The following LARS1 variants were observed in gnomAD, a reference collection of about 807,000 sequenced individuals.
LARS1 encodes leucine--tRNA ligase, cytoplasmic.
Under a neutral mutation model 162.8 loss-of-function variants are expected in LARS1, and 100 were observed. The observed-to-expected ratio is 0.61, with a 90% confidence interval of 0.52 to 0.73. The LOEUF is 0.73. Among genes scored for constraint, LARS1 ranks in the 30% least tolerant of loss-of-function variants. The pLI is 0.00. For missense variants in LARS1, 1,258 were observed against 1,408.9 expected, an observed-to-expected ratio of 0.89 and a Z score of 1.71; for synonymous variants, 457 against 462.8, an observed-to-expected ratio of 0.99 and a Z score of 0.16.
intron 15 of LARS1, among the ~76,000 whole-genome samples, chr5:146,147,895 G>GA (rs1410301066): frequency 6.6e-6 from 1 of 152,072 alleles, no homozygotes; most frequent in African/African-American, 2.4e-5. Context: ...GATACTGGGA[G>GA]AAAAAAGATT....
At chr5:146,133,201 G>C in intron 22 of LARS1, 120 bp from the exon 23 acceptor site, 1 of 765,556 alleles carries the variant, frequency 1.3e-6, no homozygotes, top group Non-Finnish European at 2.0e-6. Flanking sequence ...ATGCTTTAAA[G>C]GACTGTCCTG....
chr5:146,172,901 A>G (rs1175726443), intron 2 of LARS1, 127 bp from the exon 3 acceptor site: 2 of 428,794 alleles, frequency 4.7e-6, no homozygotes, highest in African/African-American at 2.1e-5. Flanking sequence ...AATATTTAAA[A>G]GTAAATTTAT....
intron 30 of LARS1, among the ~76,000 whole-genome samples, chr5:146,121,599 G>A (rs1422337637): frequency 6.6e-6 from 1 of 152,114 alleles, no homozygotes; most frequent in African/African-American, 2.4e-5. Flanking sequence ...ATGATAGACT[G>A]GATAAAGAAA....
At chr5:146,182,416 C>A in intron 1 of LARS1, 72 bp downstream of exon 1, 2 of 1,587,354 alleles carry the variant, frequency 1.3e-6, no homozygotes. Flanking sequence ...TTCAGGACAG[C>A]ACATGGAGAG....
At chr5:146,133,499 G>A (rs1752379505) in intron 22 of LARS1, among the ~76,000 whole-genome samples, 1 of 152,102 alleles carries the variant, frequency 6.6e-6, no homozygotes, top group Non-Finnish European at 1.5e-5. Flanking sequence ...TGCCTTATGT[G>A]TACAAATGCA....
At chr5:146,144,564 T>G in intron 16 of LARS1, 27 bp from the exon 17 acceptor site, 1 of 1,613,584 alleles carries the variant, frequency 6.2e-7, no homozygotes, top group Non-Finnish European at 8.5e-7. Flanking sequence ...TGATATGTTT[T>G]TTTTTAAGTC....
At position 146,130,634 on chromosome 5, in the gene LARS1, G is replaced by A. The variant is rs530326475; in HGVS notation, c.2487+385C>T. 1.3e-4 allele frequency: 23 copies of A among 175,364 alleles called. No individual in the cohort carries two copies. The South Asian group carries it at 4.1e-3, about 32-fold the overall frequency. 10.9% of individuals were successfully genotyped at this position (175,364 alleles called of 1,614,324 possible). ...TTTAAGCACTTTAAATGCCAAACTT[G>A]AGGAAATACTGACACCTTGTGGAAA... On this transcript the variant is annotated intron_variant, in intron 24 of 31. Coordinates refer to ENST00000394434, the MANE Select transcript of LARS1 (RefSeq NM_020117.11).
intron 31 of LARS1, among the ~76,000 whole-genome samples, chr5:146,116,500 C>T (rs563160492): frequency 2.6e-5 from 4 of 152,306 alleles, no homozygotes; most frequent in Admixed American, 2.6e-4. Flanking sequence ...TGATGTTTCA[C>T]CATGTAGTTC....
chr5:146,126,365 T>TCC lies in LARS1; in HGVS notation c.2991+68_2991+69dup. 4.5e-6 allele frequency: 4 copies of TCC among 896,888 alleles called. No individual in the cohort carries two copies. The South Asian group carries it at 6.4e-5, about 14-fold the overall frequency. 55.6% of individuals were successfully genotyped at this position (896,888 alleles called of 1,614,324 possible). A position where few individuals can be genotyped will look rare whatever the true frequency, so the allele number is the denominator to read the frequency against. ...GGCAGGAGACTATGTCCAAGGCTTT[T>TCC]CCCCATCCTTCTATTGTCCCATCTA... On this transcript the variant is annotated intron_variant, in intron 28 of 31. Transcript: ENST00000394434.
intron 23 of LARS1, chr5:146,131,314 T>C (rs1752269093): frequency 2.6e-6 from 1 of 385,864 alleles, no homozygotes; most frequent in South Asian, 5.6e-5. Context: ...TTAAAACAAA[T>C]TACTGCAATC....
chr5:146,113,295 CCTCAGGTGA>C lies in LARS1; in HGVS notation c.*802_*810del, dbSNP rs1764057225. 1 of 152,274 alleles carries C rather than the reference CCTCAGGTGA, an allele frequency of 6.6e-6. No individual in the cohort carries two copies. Among genetic ancestry groups the C allele is most frequent in the Non-Finnish European group, 1.5e-5 (1 of 68,148 alleles). 9.4% of individuals were successfully genotyped at this position (152,274 alleles called of 1,614,324 possible). ...GGTCAGGCTGGTCTCAAACTCCTGA[CCTCAGGTGA>C]CTGCCCACCTTGGCCTCCCAAAGTG... On this transcript the variant is annotated 3_prime_UTR_variant, in exon 32 of 32. Coordinates refer to ENST00000394434, the MANE Select transcript of LARS1 (RefSeq NM_020117.11).
chr5:146,131,250 G>C, intron 23 of LARS1, 141 bp from the exon 24 acceptor site: 2 of 512,720 alleles, frequency 3.9e-6, no homozygotes, highest in Admixed American at 7.6e-5. Flanking sequence ...AGTAAAATGA[G>C]AACAATGCCC....
chr5:146,161,263 A>G (rs1315846364), intron 6 of LARS1, among the ~76,000 whole-genome samples: 1 of 152,186 alleles, frequency 6.6e-6, no homozygotes, highest in Admixed American at 6.6e-5. Flanking sequence ...TGCCTCGATG[A>G]CGGCTGCTGA....
At chr5:146,175,364 C>A (rs527277235) in intron 2 of LARS1, among the ~76,000 whole-genome samples, 59 of 149,742 alleles carry the variant, frequency 3.9e-4, no homozygotes, top group African/African-American at 1.3e-3. Context: ...ATGGCAAAAC[C>A]CCGTCTCTAT....
At chr5:146,169,104 CAAGA>C (rs200941278) in intron 4 of LARS1, among the ~76,000 whole-genome samples, 4,169 of 151,370 alleles carry the variant, frequency 0.028, 166 homozygotes, top group African/African-American at 0.09. Flanking sequence ...ATCCCACCAG[CAAGA>C]AAGAAAGAAA....
intron 7 of LARS1, 138 bp downstream of exon 7, chr5:146,160,236 A>C (rs1753720557): frequency 2.2e-6 from 1 of 452,014 alleles, no homozygotes; most frequent in African/African-American, 2.1e-5. Context: ...TGGTCTCGCT[A>C]TGTTGCCCAG....
Position 146,153,970 on chromosome 5 carries a change from C to T in LARS1, c.1076G>A (p.Gly359Asp). The T allele has an allele frequency of 6.3e-7, 1 of 1,599,334 alleles. No individual in the cohort carries two copies. Among genetic ancestry groups the T allele is most frequent in the Non-Finnish European group, 8.5e-7 (1 of 1,174,898 alleles). The change falls in exon 11 of 32, where the codon GGT becomes GAT. Residue 359 changes from glycine to aspartate, a missense_variant. Gly to Asp is a moderately conservative substitution (Grantham distance 94). Coordinates refer to ENST00000394434, the MANE Select transcript of LARS1 (RefSeq NM_020117.11). ...TGTTAAAGGTGCAGAAAGTGATGCA[C>T]CAAGAATTTCCTGCATAAGAAAAAA... ...VKELMGEEILGASLSAPLTSY... is the reference protein window; with the variant it reads ...VKELMGEEILDASLSAPLTSY...
At chr5:146,163,942 GA>G (rs751886184) in intron 6 of LARS1, among the ~76,000 whole-genome samples, 17 of 152,144 alleles carry the variant, frequency 1.1e-4, no homozygotes, top group Non-Finnish European at 2.2e-4. Flanking sequence ...ACCAAGGAGA[GA>G]AAGAGGGAAA....
At chr5:146,154,222 G>A (rs566838475) in intron 10 of LARS1, among the ~76,000 whole-genome samples, 1 of 152,116 alleles carries the variant, frequency 6.6e-6, no homozygotes, top group East Asian at 1.9e-4. Flanking sequence ...CTAGAGTGTA[G>A]AGGCTATTCA....
Sources: allele counts gnomAD v4.1 joint callset (sites outside exome capture counted in the v4.1 genomes callset), GRCh38; gene constraint gnomAD v4.1.1; transcripts MANE v1.5; gene names NCBI Gene and HGNC (gene_info 2026-07-23, HGNC 2026-07-21).